The following CDK14 variants were observed in gnomAD, a reference collection of about 807,000 sequenced individuals.
CDK14 encodes cyclin dependent kinase 14.
A neutral mutation model predicts 60.7 loss-of-function variants in CDK14; 34 were observed. The ratio of observed to expected loss-of-function variants is 0.56; its 90% CI spans 0.43 to 0.75. CDK14 has a LOEUF of 0.75. CDK14 is among the 30% of genes least tolerant of loss of function. The pLI, the probability that CDK14 is intolerant of heterozygous loss-of-function variation, is 0.00. For synonymous variants in CDK14, 197 were observed against 203.7 expected, an observed-to-expected ratio of 0.97 and a Z score of 0.28; for missense variants, 482 against 564.1, an observed-to-expected ratio of 0.85 and a Z score of 1.47.
At chr7:91,140,471 T>C (rs776733945) in intron 14 of CDK14, among the ~76,000 whole-genome samples, 7 of 152,372 alleles carry the variant, frequency 4.6e-5, no homozygotes, top group South Asian at 2.1e-4. Context: ...TTTGACCTTA[T>C]GTTAGTGAGT....
intron 14 of CDK14, among the ~76,000 whole-genome samples, chr7:91,165,034 G>A (rs1286319284): frequency 6.6e-6 from 1 of 152,190 alleles, no homozygotes; most frequent in Non-Finnish European, 1.5e-5. Flanking sequence ...TGCTGCTTGA[G>A]GGACAGTAGG....
intron 12 of CDK14, among the ~76,000 whole-genome samples, chr7:91,102,488 C>T (rs1799172991): frequency 1.3e-5 from 2 of 151,988 alleles, no homozygotes; most frequent in Admixed American, 6.6e-5. Flanking sequence ...TGAGCTAAAA[C>T]AATAAATTCC....
intron 14 of CDK14, among the ~76,000 whole-genome samples, chr7:91,152,895 A>G (rs1800865078): frequency 6.6e-6 from 1 of 152,220 alleles, no homozygotes; most frequent in Admixed American, 6.5e-5. Flanking sequence ...TATATGCCCC[A>G]CAGGTTGAGT....
chr7:91,073,318 AC>A (rs1460343395), intron 11 of CDK14, among the ~76,000 whole-genome samples: 1 of 152,200 alleles, frequency 6.6e-6, no homozygotes, highest in Non-Finnish European at 1.5e-5. Context: ...CTCAGCAGAA[AC>A]CCTGCAAGCC....
chr7:90,864,490 C>G (rs996539541), intron 6 of CDK14, among the ~76,000 whole-genome samples: 3 of 152,026 alleles, frequency 2.0e-5, no homozygotes, highest in South Asian at 4.1e-4. Flanking sequence ...ATTTTCTTTA[C>G]TATGCTTGAC....
At chr7:91,204,341 G>A in intron 14 of CDK14, among the ~76,000 whole-genome samples, 1 of 151,916 alleles carries the variant, frequency 6.6e-6, no homozygotes, top group South Asian at 2.1e-4. Context: ...AAATATAGGG[G>A]TAAATCTTCA....
intron 2 of CDK14, among the ~76,000 whole-genome samples, chr7:90,669,483 G>T (rs1281616461): frequency 6.6e-6 from 1 of 152,224 alleles, no homozygotes; most frequent in African/African-American, 2.4e-5. Context: ...AAAGGGTCAT[G>T]AGAGAGATAC....
chr7:90,759,888 T>C (rs1207502492), intron 4 of CDK14, among the ~76,000 whole-genome samples: 1 of 152,206 alleles, frequency 6.6e-6, no homozygotes, highest in Non-Finnish European at 1.5e-5. Flanking sequence ...TTATGTTCAG[T>C]TTCTGTTGAG....
At chr7:90,890,907 G>T (rs1792101218) in intron 6 of CDK14, among the ~76,000 whole-genome samples, 1 of 152,146 alleles carries the variant, frequency 6.6e-6, no homozygotes, top group South Asian at 2.1e-4. Context: ...ATTATGAAAG[G>T]ATAGTGAGTT....
chr7:90,721,703 G>T (rs1802461928), intron 2 of CDK14, among the ~76,000 whole-genome samples: 1 of 152,196 alleles, frequency 6.6e-6, no homozygotes, highest in Admixed American at 6.5e-5. Flanking sequence ...GCACATGAAA[G>T]TTAGTAGTGG....
chr7:91,158,462 C>T (rs1253191922), intron 14 of CDK14, among the ~76,000 whole-genome samples: 1 of 152,052 alleles, frequency 6.6e-6, no homozygotes, highest in Non-Finnish European at 1.5e-5. Flanking sequence ...AGCGATCTGC[C>T]TGCCTTGACC....
intron 4 of CDK14, among the ~76,000 whole-genome samples, chr7:90,758,759 C>T (rs566842656): frequency 6.6e-6 from 1 of 152,022 alleles, no homozygotes; most frequent in East Asian, 1.9e-4. Context: ...TAAGCTAGAA[C>T]GTAGTGAGAA....
At chr7:90,850,520 GTCAGGGAACACTTC>G (rs1790615112) in intron 5 of CDK14, among the ~76,000 whole-genome samples, 1 of 152,166 alleles carries the variant, frequency 6.6e-6, no homozygotes, top group African/African-American at 2.4e-5. Flanking sequence ...AACCTTGGGG[GTCAGGGAACACTTC>G]CAAAGAAAAT....
intron 10 of CDK14, among the ~76,000 whole-genome samples, chr7:91,033,057 G>A (rs1363549268): frequency 1.3e-5 from 2 of 152,188 alleles, no homozygotes; most frequent in African/African-American, 2.4e-5. Context: ...GCATGCCTAT[G>A]TATCATTTTG....
chr7:91,044,008 T>A (rs1324023248), intron 10 of CDK14, among the ~76,000 whole-genome samples: 2 of 152,168 alleles, frequency 1.3e-5, no homozygotes, highest in African/African-American at 4.8e-5. Context: ...GTGAATATGC[T>A]TCATTTCCTC....
intron 5 of CDK14, among the ~76,000 whole-genome samples, chr7:90,801,080 C>T (rs143548620): frequency 6.6e-5 from 10 of 152,274 alleles, no homozygotes; most frequent in Non-Finnish European, 1.5e-4. Context: ...ATAAGGTCAC[C>T]TTCTGAGGTT....
intron 10 of CDK14, among the ~76,000 whole-genome samples, chr7:91,019,800 C>G (rs948860991): frequency 6.6e-6 from 1 of 152,102 alleles, no homozygotes; most frequent in African/African-American, 2.4e-5. Context: ...GCTTTCTTCC[C>G]CCAGAATGCC....
chr7:91,024,442 AG>A (rs1210281605), intron 10 of CDK14, among the ~76,000 whole-genome samples: 1 of 152,178 alleles, frequency 6.6e-6, no homozygotes, highest in East Asian at 1.9e-4. Context: ...CATCGAGGCC[AG>A]GAGTTCAAGA....
intron 2 of CDK14, among the ~76,000 whole-genome samples, chr7:90,605,920 GC>G (rs1398440552): frequency 6.6e-6 from 1 of 152,146 alleles, no homozygotes; most frequent in Non-Finnish European, 1.5e-5. Flanking sequence ...TGAGGCTGGA[GC>G]CCAGCTGAAG....
Sources: gnomAD v4.1 joint callset for allele counts (sites outside exome capture counted in the v4.1 genomes callset) on GRCh38, gnomAD v4.1.1 for gene constraint, MANE v1.5 for transcripts, NCBI Gene and HGNC (gene_info 2026-07-23, HGNC 2026-07-21) for gene names.